STK32B: variants seen among roughly 807,000 people sequenced by gnomAD.
The protein encoded by STK32B is serine/threonine-protein kinase 32B.
A neutral mutation model predicts 52.6 loss-of-function variants in STK32B; 43 were observed. The observed-to-expected ratio is 0.82, with a 90% CI of 0.64 to 1.05. The LOEUF is 1.05. Among genes scored for constraint, STK32B ranks in the 50% least tolerant of loss-of-function variants. STK32B has a pLI of 0.00. For missense variants in STK32B, 621 were observed against 534.6 expected (o/e 1.16, Z -1.59); for synonymous variants, 238 against 204.3 (o/e 1.17, Z -1.41).
At chr4:5,100,739 C>A in intron 1 of STK32B, among the ~76,000 whole-genome samples, 1 of 84,840 alleles carries the variant, frequency 1.2e-5, no homozygotes. Context: ...TCTTCCTTCT[C>A]TTCCTCCCTC....
At chr4:5,322,730 T>C (rs1023871752) in intron 3 of STK32B, among the ~76,000 whole-genome samples, 3 of 152,182 alleles carry the variant, frequency 2.0e-5, no homozygotes, top group Admixed American at 6.5e-5. Flanking sequence ...ACAAGGTTTG[T>C]GGATGCTACA....
At position 5,398,107 on chromosome 4, in the gene STK32B, A is replaced by G; in HGVS notation, c.435-100A>G. 1 of 1,347,322 alleles carries G rather than the reference A, an allele frequency of 7.4e-7. No individual in the cohort carries two copies. Among genetic ancestry groups the G allele is most frequent in the Non-Finnish European group, 1.0e-6 (1 of 963,366 alleles). 83.5% of individuals were successfully genotyped at this position (1,347,322 alleles called of 1,614,324 possible). A position where few individuals can be genotyped will look rare whatever the true frequency, so the allele number is the denominator to read the frequency against. ...GGCTTCAGGTCAGGGAGAGGTGAGC[A>G]GCCTGGGTGTTCCAGCATTTGTCCT... is the stretch of plus-strand genomic sequence containing the variant. On this transcript the variant is annotated intron_variant, in intron 4 of 11. Coordinates refer to ENST00000282908, the MANE Select transcript of STK32B (RefSeq NM_018401.3). The surrounding 1 kb of genome is among the most constrained non-coding windows in gnomAD (Gnocchi z 4.9).
chr4:5,068,655 A>T lies in STK32B; in HGVS notation c.52+16740A>T, dbSNP rs73200918. 7.7e-3 allele frequency among the ~76,000 whole-genome samples: 1,166 copies of T among 151,836 alleles called. 11 individuals are homozygous for T. The highest frequency in any genetic ancestry group is 0.028 in the South Asian group (134 of 4,804). ...GCATCCCACCTGCAGAATTATTATT[A>T]TTTTTTTTACCATAGCTGTGTACTA... On this transcript the variant is annotated intron_variant, in intron 1 of 11. Transcript: ENST00000282908.
At chr4:5,279,108 C>G (rs1358997774) in intron 3 of STK32B, among the ~76,000 whole-genome samples, 1 of 152,170 alleles carries the variant, frequency 6.6e-6, no homozygotes, top group African/African-American at 2.4e-5. Flanking sequence ...TCATGCCTTG[C>G]CGACAGTCCC....
At chr4:5,363,147 G>A (rs1305089431) in intron 4 of STK32B, among the ~76,000 whole-genome samples, 1 of 152,114 alleles carries the variant, frequency 6.6e-6, no homozygotes. Context: ...AGCCTAACAC[G>A]GTGCCTATCA....
chr4:5,346,224 G>T (rs1483469558), intron 4 of STK32B, among the ~76,000 whole-genome samples: 1 of 152,186 alleles, frequency 6.6e-6, no homozygotes, highest in African/African-American at 2.4e-5. Flanking sequence ...AAGCTGTGGG[G>T]ACAAGAATTA....
Position 5,412,140 on chromosome 4 carries a change from A to G in STK32B, c.473-4705A>G, listed in dbSNP as rs988478300. 3.9e-5 allele frequency among the ~76,000 whole-genome samples: 6 copies of G among 152,198 alleles called. No homozygotes were observed. The East Asian group carries it at 1.2e-3, about 29-fold the overall frequency. On this transcript the variant is annotated intron_variant, in intron 5 of 11. Coordinates refer to ENST00000282908, the MANE Select transcript of STK32B (RefSeq NM_018401.3). ...TACAGGATACGTAAACAGGCCTGGG[A>G]GCACGGTTATTGATTATCGATACTC...
At chr4:5,318,587 A>C (rs1731273045) in intron 3 of STK32B, among the ~76,000 whole-genome samples, 1 of 152,134 alleles carries the variant, frequency 6.6e-6, no homozygotes. Flanking sequence ...ACATCACTGC[A>C]GTGATTTAAA....
the STK32B span, among the ~76,000 whole-genome samples, chr4:5,020,506 G>A: frequency 7.2e-5 from 11 of 152,334 alleles, no homozygotes; most frequent in African/African-American, 2.6e-4. Context: ...AGGTGCCACA[G>A]AAAAGAGTCC....
At chr4:5,071,724 A>G (rs963176965) in intron 1 of STK32B, among the ~76,000 whole-genome samples, 11 of 152,202 alleles carry the variant, frequency 7.2e-5, no homozygotes, top group Non-Finnish European at 1.5e-4. Flanking sequence ...TAGGATTTGC[A>G]TTTGAAAGTG....
chr4:5,188,491 GTT>G (rs1473326106), intron 3 of STK32B, among the ~76,000 whole-genome samples: 1 of 152,050 alleles, frequency 6.6e-6, no homozygotes, highest in Non-Finnish European at 1.5e-5. Context: ...TGCACTCACT[GTT>G]CTCTCTGCCT....
chr4:5,126,434 G>A (rs1715368583), intron 1 of STK32B, among the ~76,000 whole-genome samples: 1 of 152,200 alleles, frequency 6.6e-6, no homozygotes, highest in African/African-American at 2.4e-5. Flanking sequence ...CACTTATCTG[G>A]GAGTTGGCTG....
intron 3 of STK32B, among the ~76,000 whole-genome samples, chr4:5,169,917 CAT>C (rs1719222102): frequency 1.3e-5 from 2 of 152,202 alleles, no homozygotes; most frequent in South Asian, 4.1e-4. Flanking sequence ...ATATCAATGA[CAT>C]ATAACTGTAT....
chr4:5,093,225 A>G (rs541411550), intron 1 of STK32B, among the ~76,000 whole-genome samples: 33 of 152,364 alleles, frequency 2.2e-4, no homozygotes, highest in African/African-American at 6.3e-4. Context: ...CATAAAATGT[A>G]TACAAATCTA....
intron 7 of STK32B, 157 bp downstream of exon 7, chr4:5,446,933 A>G (rs1358191013): frequency 3.2e-6 from 2 of 634,126 alleles, no homozygotes; most frequent in Non-Finnish European, 5.5e-6. Flanking sequence ...TGTGCCGCCT[A>G]TGAACGCCCT....
intron 4 of STK32B, among the ~76,000 whole-genome samples, chr4:5,362,946 A>G (rs1188218768): frequency 6.6e-6 from 1 of 152,064 alleles, no homozygotes; most frequent in African/African-American, 2.4e-5. Context: ...TTGTGTTGTC[A>G]CTCCAAACTC....
At chr4:5,022,071 G>C in the STK32B span, among the ~76,000 whole-genome samples, 2 of 152,098 alleles carry the variant, frequency 1.3e-5, no homozygotes, top group East Asian at 3.9e-4. Flanking sequence ...ACACAAGCTT[G>C]CCTGCCGAGC....
At chr4:5,490,445 G>T (rs970562351) in intron 11 of STK32B, among the ~76,000 whole-genome samples, 1 of 152,054 alleles carries the variant, frequency 6.6e-6, no homozygotes, top group African/African-American at 2.4e-5. Context: ...CCAAATTTGG[G>T]GTAAGGCAGT....
intron 4 of STK32B, among the ~76,000 whole-genome samples, chr4:5,372,877 G>A (rs181739790): frequency 1.1e-4 from 17 of 152,310 alleles, no homozygotes; most frequent in African/African-American, 4.1e-4. Context: ...TAAAGTTTAT[G>A]ATTGGGTTCA....
Sources: gnomAD v4.1 joint callset for allele counts (sites outside exome capture counted in the v4.1 genomes callset) on GRCh38, gnomAD v4.1.1 for gene constraint, Gnocchi (gnomAD v3.1) non-coding constraint, MANE v1.5 for transcripts, NCBI Gene and HGNC (gene_info 2026-07-23, HGNC 2026-07-21) for gene names.